Variants in DIS3L2 observed in about 807,000 individuals in gnomAD.
DIS3L2 encodes DIS3 like 3'-5' exoribonuclease 2, also known as DIS3-like exonuclease 2.
A neutral mutation model predicts 97.5 loss-of-function variants in DIS3L2; 34 were observed. The observed-to-expected ratio is 0.35, with a 90% CI of 0.27 to 0.46. DIS3L2 has a LOEUF of 0.46. Ranked by LOEUF, DIS3L2 falls within the 20% of genes least tolerant of loss-of-function variation. DIS3L2 has a pLI of 1.00. For missense variants in DIS3L2, 1,038 were observed against 1,146.0 expected, an observed-to-expected ratio of 0.91 and a Z score of 1.36; for synonymous variants, 435 against 445.2, an observed-to-expected ratio of 0.98 and a Z score of 0.29.
chr2:232,229,841 T>C (rs531439830), intron 10 of DIS3L2, among the ~76,000 whole-genome samples: 1 of 152,278 alleles, frequency 6.6e-6, no homozygotes, highest in African/African-American at 2.4e-5. Context: ...AGTTTGCAAC[T>C]AAAGGTCCTC....
chr2:232,155,181 G>C, intron 8 of DIS3L2, among the ~76,000 whole-genome samples: 1 of 138,306 alleles, frequency 7.2e-6, no homozygotes, highest in South Asian at 2.3e-4. Flanking sequence ...CTCACGCTGG[G>C]AGCTGTAGAC....
At chr2:232,329,684 TG>T in intron 14 of DIS3L2, 128 bp from the exon 15 acceptor site, 1 of 924,534 alleles carries the variant, frequency 1.1e-6, no homozygotes, top group Non-Finnish European at 1.6e-6. Flanking sequence ...ATGAGGTAGC[TG>T]GGAGGTTGTC....
At chr2:232,006,861 A>G (rs1694066670) in intron 1 of DIS3L2, among the ~76,000 whole-genome samples, 1 of 96,312 alleles carries the variant, frequency 1.0e-5, no homozygotes, top group Non-Finnish European at 1.8e-5. Flanking sequence ...ATCCTGCACA[A>G]AAAACAAGCA....
chr2:232,014,157 G>C (rs928961680), intron 1 of DIS3L2, among the ~76,000 whole-genome samples: 8 of 152,246 alleles, frequency 5.3e-5, no homozygotes, highest in Admixed American at 6.5e-5. Context: ...CCACATTCCA[G>C]CCTGCTGATC....
At chr2:232,046,805 G>T (rs761079664) in intron 5 of DIS3L2, among the ~76,000 whole-genome samples, 5 of 151,974 alleles carry the variant, frequency 3.3e-5, no homozygotes, top group Admixed American at 1.3e-4. Flanking sequence ...ATTTTGGGGA[G>T]ATCATTTTAT....
chr2:232,139,502 C>T (rs1239434550), intron 8 of DIS3L2, among the ~76,000 whole-genome samples: 1 of 152,080 alleles, frequency 6.6e-6, no homozygotes, highest in Admixed American at 6.6e-5. Flanking sequence ...AGGTGGGGGT[C>T]CAGAGTCCCA....
At chr2:232,339,744 C>T (rs1192356420), downstream of DIS3L2, 1 of 455,780 alleles carries the variant, frequency 2.2e-6, no homozygotes, top group Non-Finnish European at 4.4e-6. Context: ...GAGAGCCGGG[C>T]CTGCCCAGCA....
intron 10 of DIS3L2, 116 bp from the exon 11 acceptor site, chr2:232,238,417 A>G (rs942160595): frequency 2.7e-6 from 2 of 750,712 alleles, no homozygotes; most frequent in Admixed American, 5.4e-5. Context: ...TAGATGTGTC[A>G]CCTAACTGCA....
At position 232,263,467 on chromosome 2, in the gene DIS3L2, C is replaced by T. The variant is rs748436586; in HGVS notation, c.1659+27C>T. 9 of 1,611,048 alleles carry T rather than the reference C, an allele frequency of 5.6e-6. No homozygotes were observed. The Admixed American group carries it at 1.5e-4, about 27-fold the overall frequency. ...TCAGTACGTGTTTTTTTAGTGTAGC[C>T]AACAGATTTGACTCGTGCCTGAACC... On this transcript the variant is annotated intron_variant, in intron 13 of 20. Coordinates refer to ENST00000325385, the MANE Select transcript of DIS3L2 (RefSeq NM_152383.5).
chr2:232,191,829 T>C (rs1460396368), intron 9 of DIS3L2, among the ~76,000 whole-genome samples: 1 of 152,236 alleles, frequency 6.6e-6, no homozygotes, highest in Non-Finnish European at 1.5e-5. Flanking sequence ...AACAGTACTT[T>C]AAATGTGTGT....
chr2:232,228,334 G>C (rs1344612652), intron 10 of DIS3L2, among the ~76,000 whole-genome samples: 1 of 152,144 alleles, frequency 6.6e-6, no homozygotes, highest in African/African-American at 2.4e-5. Context: ...TTTAGACCTA[G>C]ACCTGGGGGA....
At chr2:232,329,785 T>TCCCCGGGGGGGCACCC in intron 14 of DIS3L2, 28 bp from the exon 15 acceptor site, 2 of 967,144 alleles carry the variant, frequency 2.1e-6, no homozygotes, top group Non-Finnish European at 1.5e-6. Context: ...ACCCCAGCGG[T>TCCCCGGGGGGGCACCC]CCCTCCCATC....
chr2:232,272,387 G>A (rs187392625), intron 13 of DIS3L2, among the ~76,000 whole-genome samples: 27 of 152,262 alleles, frequency 1.8e-4, no homozygotes, highest in African/African-American at 6.5e-4. Context: ...TAAAAGCAAG[G>A]GCACAGTCTC....
chr2:232,215,110 A>G (rs1423076075), intron 10 of DIS3L2, among the ~76,000 whole-genome samples: 2 of 152,242 alleles, frequency 1.3e-5, no homozygotes, highest in East Asian at 1.9e-4. Context: ...TAAATGAATG[A>G]GAAGAAATAA....
At chr2:232,218,802 C>T (rs779015158) in intron 10 of DIS3L2, among the ~76,000 whole-genome samples, 5 of 152,238 alleles carry the variant, frequency 3.3e-5, no homozygotes, top group Non-Finnish European at 5.9e-5. Context: ...ATCTTTCCTA[C>T]GTGGCACGCA....
chr2:232,286,972 G>A (rs1304618142), intron 13 of DIS3L2, among the ~76,000 whole-genome samples: 1 of 152,078 alleles, frequency 6.6e-6, no homozygotes, highest in Non-Finnish European at 1.5e-5. Context: ...ATAGGTAGAA[G>A]TGTTCACAAG....
At chr2:232,083,073 C>CG (rs1402144068) in intron 5 of DIS3L2, among the ~76,000 whole-genome samples, 18 of 151,560 alleles carry the variant, frequency 1.2e-4, no homozygotes, top group Middle Eastern at 3.4e-3. Context: ...GACCCACCCC[C>CG]CCATGATTCA....
At chr2:232,103,527 C>G (rs1167891816) in intron 6 of DIS3L2, among the ~76,000 whole-genome samples, 6 of 152,120 alleles carry the variant, frequency 3.9e-5, no homozygotes, top group Non-Finnish European at 7.4e-5. Context: ...TCTTGCATTC[C>G]TCATCTGACC....
In DIS3L2 at chr2:232,143,286, C is replaced by T. The variant is rs569428926; in HGVS notation, c.950+6567C>T. On this transcript the variant is annotated intron_variant, in intron 8 of 20. Transcript: ENST00000325385. ...TTTATATGTTTCCCAAGGCCCCCAC[C>T]TATCATATGTAGGAAGTTGGGAATA... Among the ~76,000 whole-genome samples, 8 of 152,172 alleles carry T rather than the reference C, an allele frequency of 5.3e-5. No homozygotes were observed. The South Asian group carries it at 1.7e-3, about 32-fold the overall frequency.
Sources: gnomAD v4.1 joint callset for allele counts (sites outside exome capture counted in the v4.1 genomes callset) on GRCh38, gnomAD v4.1.1 for gene constraint, MANE v1.5 for transcripts, NCBI Gene and HGNC (gene_info 2026-07-23, HGNC 2026-07-21) for gene names.